ADGRB3: variants seen among roughly 807,000 people sequenced by gnomAD.
The protein encoded by ADGRB3 is brain-specific angiogenesis inhibitor 3.
A neutral mutation model predicts 193.4 loss-of-function variants in ADGRB3; 37 were observed. That is an observed-to-expected ratio of 0.19 (90% confidence interval 0.15 to 0.25). ADGRB3 has a LOEUF of 0.25. ADGRB3 is among the 10% of genes least tolerant of loss of function. The probability of loss-of-function intolerance (pLI) is 1.00; values close to 1 mark genes in which losing one functional copy is unlikely to be tolerated. For missense variants in ADGRB3, 1,637 were observed against 1,852.9 expected (o/e 0.88, Z 2.14); for synonymous variants, 690 against 644.2 (o/e 1.07, Z -1.08).
At chr6:69,337,652 G>A (rs962407023) in intron 24 of ADGRB3, among the ~76,000 whole-genome samples, 3 of 151,992 alleles carry the variant, frequency 2.0e-5, no homozygotes, top group Admixed American at 1.3e-4. Context: ...GTAAAGCGAG[G>A]GATTTAGTGT....
chr6:69,180,500 AACCAGT>A (rs1775550647), intron 17 of ADGRB3, among the ~76,000 whole-genome samples: 1 of 152,102 alleles, frequency 6.6e-6, no homozygotes. Flanking sequence ...CAGGCTGCTT[AACCAGT>A]TGAGTTAGTG....
At position 68,858,490 on chromosome 6, in the gene ADGRB3, C is replaced by T. The variant is rs189771988; in HGVS notation, c.758-72069C>T. 7.6e-3 allele frequency among the ~76,000 whole-genome samples: 711 copies of T among 93,552 alleles called. 7 individuals carry two copies. Among genetic ancestry groups the T allele is most frequent in the African/African-American group, 0.027 (671 of 24,694 alleles). 61.4% of individuals were successfully genotyped at this position (93,552 alleles called of 152,430 possible). On this transcript the variant is annotated intron_variant, in intron 3 of 31. Transcript: ENST00000370598. The stretch of plus-strand genomic sequence containing the variant: ...TTGCACTTTAGCCCAGGTGACAGTG[C>T]AACACTCCAAAAAAAAAAAAAAAAC...
At chr6:69,347,154 C>T (rs1304112763) in intron 26 of ADGRB3, among the ~76,000 whole-genome samples, 1 of 151,962 alleles carries the variant, frequency 6.6e-6, no homozygotes, top group Non-Finnish European at 1.5e-5. Flanking sequence ...GGGAGTTGAA[C>T]AATGAGAACA....
intron 3 of ADGRB3, among the ~76,000 whole-genome samples, chr6:68,697,409 C>A (rs1157712298): frequency 6.6e-6 from 1 of 151,810 alleles, no homozygotes; most frequent in African/African-American, 2.4e-5. Context: ...CATGTAAACT[C>A]ATTTATATAC....
rs1767846054 is a variant in ADGRB3, at chr6:69,297,368, T to TCTCTCTTTC, written c.2815-27504_2815-27503insCTCTCTTTC. 1.4e-3 allele frequency among the ~76,000 whole-genome samples: 140 copies of TCTCTCTTTC among 97,642 alleles called. No homozygotes were observed. In the East Asian group the frequency reaches 0.016, roughly 11 times the overall value. The allele number at this position is 97,642 out of a possible 152,430, so 64.1% of individuals were successfully genotyped here. A position where few individuals can be genotyped will look rare whatever the true frequency, so the allele number is the denominator to read the frequency against. On this transcript the variant is annotated intron_variant, in intron 20 of 31. Transcript: ENST00000370598. Reference sequence around the variant, plus strand: ...TCTCTCTCTCTCTCTCTCTCTCTCTTTCTCTCTCTCTCTCTCTCTCTCTAT... The same window carrying TCTCTCTTTC: ...TCTCTCTCTCTCTCTCTCTCTCTCTTCTCTCTTTCTCTCTCTCTCTCTCTCTCTCTCTAT...
chr6:68,884,288 C>T (rs1469657945), intron 3 of ADGRB3, among the ~76,000 whole-genome samples: 1 of 152,170 alleles, frequency 6.6e-6, no homozygotes, highest in Non-Finnish European at 1.5e-5. Flanking sequence ...CTCCTTTGCT[C>T]ATGGGCTCAG....
At chr6:68,877,186 T>C (rs1419280824) in intron 3 of ADGRB3, among the ~76,000 whole-genome samples, 1 of 152,066 alleles carries the variant, frequency 6.6e-6, no homozygotes, top group African/African-American at 2.4e-5. Context: ...TAAATTTATG[T>C]GTAAATTAAT....
Position 69,239,216 on chromosome 6 carries a change from C to T in ADGRB3, c.2804C>T (p.Thr935Ile), listed in dbSNP as rs575765174. The T allele has an allele frequency of 2.6e-6, 4 of 1,561,996 alleles. No homozygotes were observed. The highest frequency in any genetic ancestry group is 1.1e-5 in the South Asian group (1 of 89,042). Residue 935 changes from threonine (T) to isoleucine (I), a missense_variant, in exon 20 of 32, where the codon ACA (threonine) becomes ATA (isoleucine). Around this residue, in one of 7 missense-constraint regions of ADGRB3, gnomAD observed 87 missense variants for 161.0 expected, o/e 0.54. Transcript: ENST00000370598. ...CTCATACTGGTTGGACAGACTCAGA[C>T]ACATAATAAGGTATGACTGGTAATT... ...NILILVGQTQ[T>I]HNKSICTTTT...
intron 3 of ADGRB3, among the ~76,000 whole-genome samples, chr6:68,782,684 A>G (rs1766879601): frequency 6.6e-6 from 1 of 151,974 alleles, no homozygotes; most frequent in Non-Finnish European, 1.5e-5. Flanking sequence ...GTGAGATGGT[A>G]TTTCATTGTG....
In ADGRB3 at chr6:68,801,789, CT is replaced by C. The variant is rs554741700; in HGVS notation, c.758-128769del. Among the ~76,000 whole-genome samples, 109 of 152,258 alleles carry C rather than the reference CT, an allele frequency of 7.2e-4. 1 individual carries two copies. Among genetic ancestry groups the C allele is most frequent in the Admixed American group, 1.4e-3 (22 of 15,298 alleles). On this transcript the variant is annotated intron_variant, in intron 3 of 31. Transcript: ENST00000370598. ...CTCTTCCTTATTAAACAAATGGAAA[CT>C]CCTATGAAATGCATAAATGAAGGCT... is the stretch of plus-strand genomic sequence containing the variant.
chr6:69,162,153 G>A (rs1775010635), intron 17 of ADGRB3, among the ~76,000 whole-genome samples: 1 of 152,040 alleles, frequency 6.6e-6, no homozygotes, highest in South Asian at 2.1e-4. Context: ...AAAAAATTTT[G>A]ACATGGATGG....
intron 17 of ADGRB3, among the ~76,000 whole-genome samples, chr6:69,094,179 A>T (rs1772797370): frequency 6.6e-6 from 1 of 152,164 alleles, no homozygotes; most frequent in East Asian, 1.9e-4. Flanking sequence ...GGCAGAGGGA[A>T]GGAGAAAAGT....
chr6:68,709,251 G>A (rs1325877476), intron 3 of ADGRB3, among the ~76,000 whole-genome samples: 1 of 152,036 alleles, frequency 6.6e-6, no homozygotes, highest in Non-Finnish European at 1.5e-5. Context: ...CTTTTCCATT[G>A]GTCACACTGA....
At chr6:68,938,715 T>C (rs1229446071) in intron 5 of ADGRB3, among the ~76,000 whole-genome samples, 4 of 152,150 alleles carry the variant, frequency 2.6e-5, no homozygotes, top group African/African-American at 7.2e-5. Flanking sequence ...CAAGGGTAGA[T>C]ACTTATTTTC....
At chr6:69,273,919 A>G (rs1204062625) in intron 20 of ADGRB3, among the ~76,000 whole-genome samples, 3 of 152,152 alleles carry the variant, frequency 2.0e-5, no homozygotes, top group African/African-American at 7.2e-5. Context: ...AGTTAGAAAA[A>G]AACAAAACAA....
chr6:68,990,576 T>C (rs1421894049), intron 10 of ADGRB3, among the ~76,000 whole-genome samples: 1 of 152,152 alleles, frequency 6.6e-6, no homozygotes, highest in African/African-American at 2.4e-5. Context: ...TGGGCCAGAT[T>C]TGATGCTGAC....
chr6:69,285,797 C>A (rs1248673281), intron 20 of ADGRB3, among the ~76,000 whole-genome samples: 1 of 152,030 alleles, frequency 6.6e-6, no homozygotes, highest in African/African-American at 2.4e-5. Context: ...CCCTGTCCAG[C>A]CTTAGCTCAA....
intron 3 of ADGRB3, among the ~76,000 whole-genome samples, chr6:68,810,365 A>G (rs974835422): frequency 6.6e-6 from 1 of 152,220 alleles, no homozygotes; most frequent in South Asian, 2.1e-4. Flanking sequence ...GACACTATCA[A>G]CAATGGCCAG....
At chr6:69,192,665 C>T (rs779483) in intron 17 of ADGRB3, among the ~76,000 whole-genome samples, 12,732 of 152,078 alleles carry the variant, frequency 0.084, 651 homozygotes, top group Non-Finnish European at 0.11. Flanking sequence ...GTAGACCAAA[C>T]TGGGTTATCA....
Sources: allele counts gnomAD v4.1 joint callset (sites outside exome capture counted in the v4.1 genomes callset), GRCh38; gene constraint gnomAD v4.1.1; regional missense constraint gnomAD v4.1.1; transcripts MANE v1.5; gene names NCBI Gene and HGNC (gene_info 2026-07-23, HGNC 2026-07-21).